SUPT3H: variants seen among roughly 807,000 people sequenced by gnomAD.
SUPT3H encodes transcription initiation protein SPT3 homolog.
A neutral mutation model predicts 44.3 loss-of-function variants in SUPT3H; 44 were observed. The ratio of observed to expected loss-of-function variants is 0.99; its 90% confidence interval spans 0.78 to 1.28. The LOEUF is 1.28. SUPT3H is among the 50% of genes most tolerant of loss of function. The pLI, the probability that SUPT3H is intolerant of heterozygous loss-of-function variation, is 0.00. For synonymous variants in SUPT3H, 124 were observed against 125.6 expected (o/e 0.99, Z 0.09); for missense variants, 380 against 387.1 (o/e 0.98, Z 0.15).
chr6:45,170,697 T>C (rs1341646741), intron 2 of SUPT3H, among the ~76,000 whole-genome samples: 1 of 151,932 alleles, frequency 6.6e-6, no homozygotes, highest in African/African-American at 2.4e-5. Flanking sequence ...CTTGAATTTG[T>C]GTTCAGAATG....
chr6:45,041,113 C>T (rs1003236624), intron 3 of SUPT3H, among the ~76,000 whole-genome samples: 2 of 152,030 alleles, frequency 1.3e-5, no homozygotes, highest in African/African-American at 2.4e-5. Context: ...AGGGTGCCAT[C>T]GTGATAAAAA....
intron 10 of SUPT3H, among the ~76,000 whole-genome samples, chr6:44,869,183 G>A (rs951878673): frequency 6.6e-5 from 10 of 152,232 alleles, no homozygotes; most frequent in African/African-American, 2.4e-4. Flanking sequence ...TCTTAACACT[G>A]AGTATAGGCT....
intron 3 of SUPT3H, among the ~76,000 whole-genome samples, chr6:45,079,180 C>A (rs1795423214): frequency 6.6e-6 from 1 of 152,018 alleles, no homozygotes; most frequent in African/African-American, 2.4e-5. Context: ...CGTGGCAGCA[C>A]AGGCCTGTAG....
In SUPT3H at chr6:45,317,546, T is replaced by G. The variant is rs1254022843; in HGVS notation, c.101+47655A>C. On this transcript the variant is annotated intron_variant, in intron 2 of 10. Transcript: ENST00000371459. ...TCCAGAAGTAAATCCATACATTTAC[T>G]GTCAACTGATTTTCAATAAAGATGC... 2.0e-5 allele frequency among the ~76,000 whole-genome samples: 3 copies of G among 152,126 alleles called. 1 individual carries two copies. Among genetic ancestry groups the G allele is most frequent in the African/African-American group, 7.2e-5 (3 of 41,414 alleles).
At position 45,157,836 on chromosome 6, in the gene SUPT3H, G is replaced by A. The variant is rs1808102666; in HGVS notation, c.102-51830C>T. Among the ~76,000 whole-genome samples the A allele has an allele frequency of 2.6e-5, 4 of 151,648 alleles. No individual in the cohort carries two copies. In the South Asian group the frequency reaches 8.3e-4, roughly 32 times the overall value. On this transcript the variant is annotated intron_variant, in intron 2 of 10. Coordinates refer to ENST00000371459, the MANE Select transcript of SUPT3H (RefSeq NM_003599.4). The stretch of plus-strand genomic sequence containing the variant: ...GCTGGGATTACAGGAGTGAGCCACC[G>A]CACCCGGCCAGCATTATATTTTTAA...
intron 5 of SUPT3H, among the ~76,000 whole-genome samples, chr6:45,009,142 G>A (rs1783120984): frequency 1.3e-5 from 2 of 151,968 alleles, no homozygotes; most frequent in African/African-American, 2.4e-5. Flanking sequence ...TTATTGTTAA[G>A]TTGCATGCAT....
chr6:45,218,734 CA>C (rs1765502902), intron 2 of SUPT3H, among the ~76,000 whole-genome samples: 2 of 151,698 alleles, frequency 1.3e-5, no homozygotes, highest in South Asian at 2.1e-4. Flanking sequence ...AACTCCGTCT[CA>C]AAAAAAGTAC....
At position 45,113,637 on chromosome 6, in the gene SUPT3H, C is replaced by G. The variant is rs956524485; in HGVS notation, c.102-7631G>C. ...GGTCAGGAGTTCCAGACCAGACTGG[C>G]CAACATGGTGAAACCCCATCTCTAC... On this transcript the variant is annotated intron_variant, in intron 2 of 10. Transcript: ENST00000371459. Among the ~76,000 whole-genome samples the G allele has an allele frequency of 3.3e-5, 5 of 151,956 alleles. 1 individual carries two copies. The highest frequency in any genetic ancestry group is 7.4e-5 in the Non-Finnish European group (5 of 67,984).
intron 9 of SUPT3H, among the ~76,000 whole-genome samples, chr6:44,949,057 A>C (rs1773836037): frequency 6.6e-6 from 1 of 152,238 alleles, no homozygotes; most frequent in Non-Finnish European, 1.5e-5. Flanking sequence ...AATACTATGC[A>C]GCCATAAAAA....
At chr6:45,365,400 A>G in intron 1 of SUPT3H, 99 bp from the exon 2 acceptor site, 1 of 768,454 alleles carries the variant, frequency 1.3e-6, no homozygotes. Flanking sequence ...AAAAGTAGAG[A>G]AAATTTAAAT....
At position 45,130,712 on chromosome 6, in the gene SUPT3H, CTTTTTT is replaced by C. The variant is rs1194423160; in HGVS notation, c.102-24712_102-24707del. Among the ~76,000 whole-genome samples the C allele has an allele frequency of 3.4e-5, 3 of 88,602 alleles. 1 individual carries two copies. Among genetic ancestry groups the C allele is most frequent in the Admixed American group, 2.4e-4 (2 of 8,364 alleles). 58.1% of individuals were successfully genotyped at this position (88,602 alleles called of 152,430 possible). A position where few individuals can be genotyped will look rare whatever the true frequency, so the allele number is the denominator to read the frequency against. ...AAAAAAAAAACAAAAAAAAAAACCA[CTTTTTT>C]TTTTTTTTTTTTTTTTCAGATGGAG... On this transcript the variant is annotated intron_variant, in intron 2 of 10. Transcript: ENST00000371459.
At chr6:44,947,679 T>G (rs138506965) in intron 9 of SUPT3H, among the ~76,000 whole-genome samples, 134 of 152,222 alleles carry the variant, frequency 8.8e-4, no homozygotes, top group African/African-American at 3.2e-3. Flanking sequence ...TACATTATAA[T>G]CAAATAAACA....
intron 2 of SUPT3H, among the ~76,000 whole-genome samples, chr6:45,240,964 C>T (rs1393545170): frequency 3.9e-5 from 6 of 152,130 alleles, no homozygotes; most frequent in Admixed American, 3.9e-4. Context: ...GACCTTAATG[C>T]TAGGAACTGG....
intron 2 of SUPT3H, chr6:45,328,125 C>T: frequency 4.9e-6 from 2 of 411,428 alleles, no homozygotes; most frequent in Non-Finnish European, 8.2e-6. Flanking sequence ...CTTCTGGATG[C>T]CAGGAAAGGC....
intron 10 of SUPT3H, among the ~76,000 whole-genome samples, chr6:44,906,946 A>C (rs1350969142): frequency 6.6e-6 from 1 of 152,212 alleles, no homozygotes; most frequent in Non-Finnish European, 1.5e-5. Flanking sequence ...CTGGAATTTA[A>C]GGGTGTCTGA....
chr6:45,049,110 A>C (rs1789875702), intron 3 of SUPT3H, among the ~76,000 whole-genome samples: 1 of 152,188 alleles, frequency 6.6e-6, no homozygotes, highest in Non-Finnish European at 1.5e-5. Context: ...CACAATGTAC[A>C]CGTGTTTCCA....
At chr6:45,234,837 G>A (rs1324541) in intron 2 of SUPT3H, among the ~76,000 whole-genome samples, 150,916 of 152,244 alleles carry the variant, frequency 0.99, 74,823 homozygotes, top group East Asian at 1. Context: ...ATCAGAAACT[G>A]TTCCATGGTA....
At chr6:45,121,832 C>T (rs970758525) in intron 2 of SUPT3H, among the ~76,000 whole-genome samples, 1 of 151,952 alleles carries the variant, frequency 6.6e-6, no homozygotes, top group Non-Finnish European at 1.5e-5. Context: ...CCCGCCACCA[C>T]GCCCAGCTAA....
chr6:44,971,335 A>G (rs1370922985), intron 6 of SUPT3H, among the ~76,000 whole-genome samples: 1 of 152,136 alleles, frequency 6.6e-6, no homozygotes. Flanking sequence ...TCATGCTGCT[A>G]TAAAGGACTG....
Sources: allele counts gnomAD v4.1 joint callset (sites outside exome capture counted in the v4.1 genomes callset), GRCh38; gene constraint gnomAD v4.1.1; transcripts MANE v1.5; gene names NCBI Gene and HGNC (gene_info 2026-07-23, HGNC 2026-07-21).